Variants in CDK6 observed in about 807,000 individuals in gnomAD.
The protein encoded by CDK6 is cyclin dependent kinase 6.
Under a neutral mutation model 37.1 loss-of-function variants are expected in CDK6, and 6 were observed. The ratio of observed to expected loss-of-function variants is 0.16; its 90% CI spans 0.09 to 0.32. CDK6 has a LOEUF of 0.32. Ranked by LOEUF, CDK6 falls within the 10% of genes least tolerant of loss-of-function variation. The pLI, the probability that CDK6 is intolerant of heterozygous loss-of-function variation, is 1.00. For missense variants in CDK6, 224 were observed against 418.9 expected, an observed-to-expected ratio of 0.53 and a Z score of 4.06; for synonymous variants, 160 against 161.3, an observed-to-expected ratio of 0.99 and a Z score of 0.06.
intron 5 of CDK6, among the ~76,000 whole-genome samples, chr7:92,664,333 G>A (rs909837793): frequency 6.6e-6 from 1 of 152,144 alleles, no homozygotes; most frequent in Non-Finnish European, 1.5e-5. Flanking sequence ...AGGCTAGGGC[G>A]TGCCTTCTGG....
At chr7:92,696,852 C>G (rs1797732803) in intron 4 of CDK6, among the ~76,000 whole-genome samples, 1 of 152,096 alleles carries the variant, frequency 6.6e-6, no homozygotes, top group African/African-American at 2.4e-5. Flanking sequence ...ATTAAGATTT[C>G]TGGAGAAGAA....
intron 4 of CDK6, among the ~76,000 whole-genome samples, chr7:92,708,088 C>T (rs914351160): frequency 1.3e-4 from 19 of 151,734 alleles, no homozygotes; most frequent in African/African-American, 2.2e-4. Context: ...AGAGAAAAAT[C>T]GAAAAAGGGC....
chr7:92,812,449 G>T (rs1800909594), intron 2 of CDK6, among the ~76,000 whole-genome samples: 1 of 149,884 alleles, frequency 6.7e-6, no homozygotes, highest in Non-Finnish European at 1.5e-5. Context: ...ACAGGGTCTT[G>T]CTCTGTCTCC....
chr7:92,650,737 C>G lies in CDK6; in HGVS notation c.647+20689G>C, dbSNP rs548030924. On this transcript the variant is annotated intron_variant, in intron 5 of 7. Coordinates refer to ENST00000424848, the MANE Select transcript of CDK6 (RefSeq NM_001145306.2). ...AAGACTGAGGTCCCTGTCTCCTTGC[C>G]AGTTGACAGCTGGGGGCTGCCCATT... Among the ~76,000 whole-genome samples the G allele has an allele frequency of 7.2e-5, 11 of 152,272 alleles. No individual in the cohort carries two copies. The South Asian group carries it at 2.3e-3, about 32-fold the overall frequency.
chr7:92,688,334 T>TAA (rs1485325900), intron 4 of CDK6, among the ~76,000 whole-genome samples: 12 of 152,218 alleles, frequency 7.9e-5, no homozygotes, highest in Non-Finnish European at 7.3e-5. Context: ...TCTAAAAGGA[T>TAA]AATATAATCT....
At chr7:92,659,630 A>AC (rs1796791111) in intron 5 of CDK6, among the ~76,000 whole-genome samples, 1 of 149,508 alleles carries the variant, frequency 6.7e-6, no homozygotes, top group African/African-American at 2.5e-5. Context: ...ACACACACAC[A>AC]CACACCACAC....
At chr7:92,794,253 T>C (rs1800350505) in intron 2 of CDK6, among the ~76,000 whole-genome samples, 1 of 152,138 alleles carries the variant, frequency 6.6e-6, no homozygotes, top group South Asian at 2.1e-4. Context: ...TTAAATCTCT[T>C]TACCCTATAA....
At chr7:92,732,158 C>T (rs1015210410) in intron 3 of CDK6, among the ~76,000 whole-genome samples, 9 of 152,234 alleles carry the variant, frequency 5.9e-5, no homozygotes, top group African/African-American at 2.2e-4. Flanking sequence ...TGGCCCACAC[C>T]TGTAATCCTA....
intron 2 of CDK6, among the ~76,000 whole-genome samples, chr7:92,819,534 TA>T (rs1320321413): frequency 6.6e-6 from 1 of 152,100 alleles, no homozygotes; most frequent in African/African-American, 2.4e-5. Flanking sequence ...ATAAAAATTA[TA>T]CCTTTAGCTC....
In CDK6 at chr7:92,725,680, G is replaced by T. The variant is rs779711000; in HGVS notation, c.483C>A (p.Leu161=). 6.2e-7 allele frequency: 1 copy of T among 1,614,092 alleles called. No individual in the cohort carries two copies. The highest frequency in any genetic ancestry group is 8.5e-7 in the Non-Finnish European group (1 of 1,179,988). Reference sequence around the variant, plus strand: ...AGATGCGGGCAAGGCCGAAGTCAGCGAGTTTTATTTGTCCGCTGCTGGTCA... The same window carrying T: ...AGATGCGGGCAAGGCCGAAGTCAGCTAGTTTTATTTGTCCGCTGCTGGTCA... The part of the protein sequence containing the change: ...ILVTSSGQIK[L]ADFGLARIYS... Residue 161 remains leucine (L), a synonymous_variant, in exon 4 of 8, where the codon CTC becomes CTA. Transcript: ENST00000424848.
intron 4 of CDK6, among the ~76,000 whole-genome samples, chr7:92,705,478 TA>T (rs1797945842): frequency 6.6e-6 from 1 of 152,108 alleles, no homozygotes; most frequent in African/African-American, 2.4e-5. Context: ...TGAGCAGCAT[TA>T]AAAAAACTTG....
Position 92,803,788 on chromosome 7 carries a change from T to A in CDK6, c.234-28957A>T, listed in dbSNP as rs1166893733. ...ATATTGATTGACTCCCGGGACAGTATGAAAAGGGGGAAAAAATGGGCACCA... is the reference window on the plus strand; with the variant it reads ...ATATTGATTGACTCCCGGGACAGTAAGAAAAGGGGGAAAAAATGGGCACCA... On this transcript the variant is annotated intron_variant, in intron 2 of 7. Coordinates refer to ENST00000424848, the MANE Select transcript of CDK6 (RefSeq NM_001145306.2). Among the ~76,000 whole-genome samples, 4 of 151,954 alleles carry A rather than the reference T, an allele frequency of 2.6e-5. No individual in the cohort carries two copies. In the East Asian group the frequency reaches 7.7e-4, roughly 29 times the overall value.
chr7:92,816,462 T>G (rs1016674758), intron 2 of CDK6, among the ~76,000 whole-genome samples: 6 of 152,096 alleles, frequency 3.9e-5, no homozygotes, highest in African/African-American at 1.4e-4. Context: ...TCATACAGAA[T>G]TGTTCTCTGA....
intron 6 of CDK6, among the ~76,000 whole-genome samples, chr7:92,619,350 TA>T (rs941142523): frequency 9.2e-5 from 14 of 152,262 alleles, no homozygotes; most frequent in Admixed American, 7.8e-4. Flanking sequence ...AGGTCGTAAG[TA>T]GGTTTGAACA....
rs1027500632 is a variant in CDK6, at chr7:92,799,409, T to C, written c.234-24578A>G. ...GCTTCCCTGAGAGTTTTCTTTTACT[T>C]CTCCCTCTACTTCTCTTGTGTCTGC... On this transcript the variant is annotated intron_variant, in intron 2 of 7. Transcript: ENST00000424848. 5.3e-5 allele frequency among the ~76,000 whole-genome samples: 8 copies of C among 151,972 alleles called. No individual in the cohort carries two copies. In the South Asian group the frequency reaches 1.2e-3, roughly 24 times the overall value.
chr7:92,614,040 C>A lies in CDK6; in HGVS notation c.*1100G>T, dbSNP rs1443136788. 1 of 233,070 alleles carries A rather than the reference C, an allele frequency of 4.3e-6. No homozygotes were observed. 14.4% of individuals were successfully genotyped at this position (233,070 alleles called of 1,614,324 possible). On this transcript the variant is annotated 3_prime_UTR_variant, in exon 8 of 8. Coordinates refer to ENST00000424848, the MANE Select transcript of CDK6 (RefSeq NM_001145306.2). ...GAGATAGACAAGATGGATACTTTGCCAACAAGGCAGTGTGTGGCAGAAAGT... is the reference window on the plus strand; with the variant it reads ...GAGATAGACAAGATGGATACTTTGCAAACAAGGCAGTGTGTGGCAGAAAGT...
At chr7:92,688,945 T>C (rs1320096327) in intron 4 of CDK6, among the ~76,000 whole-genome samples, 1 of 152,186 alleles carries the variant, frequency 6.6e-6, no homozygotes, top group African/African-American at 2.4e-5. Context: ...CCACAGCAAC[T>C]ATTTTGGCGG....
intron 4 of CDK6, among the ~76,000 whole-genome samples, chr7:92,678,248 G>A (rs1423556841): frequency 1.3e-5 from 2 of 152,114 alleles, no homozygotes; most frequent in African/African-American, 2.4e-5. Context: ...TTAGAAATCC[G>A]TAACAAAAGT....
chr7:92,676,851 G>T (rs964997093), intron 4 of CDK6, among the ~76,000 whole-genome samples: 1 of 151,854 alleles, frequency 6.6e-6, no homozygotes, highest in Non-Finnish European at 1.5e-5. Context: ...CCCAGCTACT[G>T]GGGAGCCTGA....
Sources: allele counts gnomAD v4.1 joint callset (sites outside exome capture counted in the v4.1 genomes callset), GRCh38; gene constraint gnomAD v4.1.1; transcripts MANE v1.5; gene names NCBI Gene and HGNC (gene_info 2026-07-23, HGNC 2026-07-21).